Variants in CNTN6 observed in about 807,000 individuals in gnomAD.
The protein encoded by CNTN6 is contactin-6.
In CNTN6, 137 loss-of-function variants were observed where a neutral mutation model predicts 122.8. The ratio of observed to expected loss-of-function variants is 1.12; its 90% CI spans 0.97 to 1.29. The LOEUF (loss-of-function observed/expected upper bound fraction) is 1.29. Among genes scored for constraint, CNTN6 ranks in the 50% most tolerant of loss-of-function variants. CNTN6 has a pLI of 0.00. For synonymous variants in CNTN6, 570 were observed against 426.0 expected (o/e 1.34, Z -4.16); for missense variants, 1,634 against 1,223.4 (o/e 1.34, Z -5.01).
At chr3:1,115,256 A>T (rs1476913208) in intron 1 of CNTN6, among the ~76,000 whole-genome samples, 2 of 152,212 alleles carry the variant, frequency 1.3e-5, no homozygotes, top group Admixed American at 1.3e-4. Context: ...CCACAAGTCA[A>T]CAAGCCACAA....
rs1705766444 is a variant in CNTN6 at position 1,352,325 on chromosome 3, A to C, written c.1366A>C (p.Ile456Leu). 6.6e-7 allele frequency: 1 copy of C among 1,516,882 alleles called. No individual in the cohort carries two copies. The highest frequency in any genetic ancestry group is 1.4e-5 in the African/African-American group (1 of 71,242). The allele number at this position is 1,516,882 out of a possible 1,614,324, so 94.0% of individuals were successfully genotyped here. Residue 456 changes from isoleucine to leucine, a missense_variant and splice_region_variant, in exon 12 of 23, where the codon ATA becomes CTA. Physicochemically the swap from Ile to Leu is conservative, Grantham distance 5 (BLOSUM62 2). Transcript: ENST00000446702. Reference sequence around the variant, plus strand: ...ATTAATGATGTATTTTCTTTTTAGAATATTTCTCTTGGAGGATGGCAGCCT... The same window carrying C: ...ATTAATGATGTATTTTCTTTTTAGACTATTTCTCTTGGAGGATGGCAGCCT... ...GTETLRQSKR[I>L]FLLEDGSLKI...
At position 1,388,263 on chromosome 3, in the gene CNTN6, C is replaced by G. The variant is rs560690090; in HGVS notation, c.2704+2466C>G. Reference sequence around the variant, plus strand: ...AAGTGGGTCCCTGACCCCTGACCCCCGAGCAGCCTAACTGGGAGGCACCCC... The same window carrying G: ...AAGTGGGTCCCTGACCCCTGACCCCGGAGCAGCCTAACTGGGAGGCACCCC... On this transcript the variant is annotated intron_variant, in intron 20 of 22. Coordinates refer to ENST00000446702, the MANE Select transcript of CNTN6 (RefSeq NM_001289080.2). 1.8e-3 allele frequency among the ~76,000 whole-genome samples: 265 copies of G among 149,042 alleles called. 5 individuals are homozygous for G. In the East Asian group the frequency reaches 0.038, roughly 21 times the overall value.
At chr3:1,322,232 A>G (rs554585547) in intron 8 of CNTN6, among the ~76,000 whole-genome samples, 1 of 151,920 alleles carries the variant, frequency 6.6e-6, no homozygotes, top group African/African-American at 2.4e-5. Flanking sequence ...ATAATACTGC[A>G]TGGTGGTTTA....
intron 4 of CNTN6, among the ~76,000 whole-genome samples, chr3:1,273,293 C>T (rs938012623): frequency 2.0e-5 from 3 of 152,166 alleles, no homozygotes; most frequent in African/African-American, 4.8e-5. Flanking sequence ...GAGACCATCT[C>T]AGAGAACGAT....
rs553298375 is a variant in CNTN6, at chr3:1,233,129, G to C, written c.358+5136G>C. Among the ~76,000 whole-genome samples, 9 of 152,272 alleles carry C rather than the reference G, an allele frequency of 5.9e-5. No individual in the cohort carries two copies. The South Asian group carries it at 1.7e-3, about 28-fold the overall frequency. Reference sequence around the variant, plus strand: ...CAATAGGATAATTTAGAGATATTATGAGATGCCAAAGAAACATGCAAAAAT... The same window carrying C: ...CAATAGGATAATTTAGAGATATTATCAGATGCCAAAGAAACATGCAAAAAT... On this transcript the variant is annotated intron_variant, in intron 4 of 22. Coordinates refer to ENST00000446702, the MANE Select transcript of CNTN6 (RefSeq NM_001289080.2).
Position 1,096,966 on chromosome 3 carries a change from ATC to A in CNTN6, c.-83+3850_-83+3851del, listed in dbSNP as rs558442441. On this transcript the variant is annotated intron_variant, in intron 1 of 22. Transcript: ENST00000446702. The stretch of plus-strand genomic sequence containing the variant: ...GTGGGACAATAGAGGACATTTAAAA[ATC>A]TCTTTATTTAAGGAGTTTTAAATAG... Among the ~76,000 whole-genome samples the A allele has an allele frequency of 4.8e-4, 73 of 152,326 alleles. 1 individual carries two copies. Among genetic ancestry groups the A allele is most frequent in the Non-Finnish European group, 5.9e-5 (4 of 68,028 alleles).
intron 19 of CNTN6, 113 bp downstream of exon 19, chr3:1,383,521 C>T (rs1049691236): frequency 4.0e-6 from 3 of 757,686 alleles, no homozygotes; most frequent in Non-Finnish European, 6.6e-6. Flanking sequence ...TAATGTGTGT[C>T]TAAAGCTAAA....
intron 2 of CNTN6, among the ~76,000 whole-genome samples, chr3:1,152,680 TAGAC>T (rs1349983097): frequency 5.3e-5 from 8 of 152,168 alleles, no homozygotes; most frequent in African/African-American, 1.7e-4. Context: ...TGAAAAATAT[TAGAC>T]AGATTTCAAA....
intron 4 of CNTN6, among the ~76,000 whole-genome samples, chr3:1,243,890 A>T (rs985994172): frequency 3.9e-5 from 6 of 152,074 alleles, no homozygotes; most frequent in African/African-American, 1.2e-4. Flanking sequence ...GGGAAGACTC[A>T]GCGATGCTTG....
chr3:1,325,974 A>G (rs1701488177), intron 9 of CNTN6, 23 bp downstream of exon 9: 2 of 1,596,906 alleles, frequency 1.3e-6, no homozygotes, highest in Non-Finnish European at 1.7e-6. Flanking sequence ...GTTGATATTA[A>G]AAGTTTACCT....
At chr3:1,389,618 G>C (rs528149422) in intron 20 of CNTN6, among the ~76,000 whole-genome samples, 4,729 of 135,680 alleles carry the variant, frequency 0.035, 101 homozygotes, top group South Asian at 0.063. Flanking sequence ...ACACAGACTG[G>C]CAAATTGGAT....
chr3:1,125,209 T>G (rs1222650808), intron 1 of CNTN6, among the ~76,000 whole-genome samples: 1 of 151,976 alleles, frequency 6.6e-6, no homozygotes, highest in Non-Finnish European at 1.5e-5. Context: ...TTATCTGTCT[T>G]GGCCCTAATT....
At chr3:1,142,097 C>G (rs2092621218) in intron 1 of CNTN6, among the ~76,000 whole-genome samples, 1 of 152,010 alleles carries the variant, frequency 6.6e-6, no homozygotes, top group South Asian at 2.1e-4. Context: ...TGCCTGAGGT[C>G]CAGCCATTAT....
intron 7 of CNTN6, among the ~76,000 whole-genome samples, chr3:1,305,542 G>A (rs540053030): frequency 6.6e-6 from 1 of 152,126 alleles, no homozygotes; most frequent in African/African-American, 2.4e-5. Context: ...AATGTAGTAT[G>A]ATTGACTGAT....
intron 2 of CNTN6, among the ~76,000 whole-genome samples, chr3:1,150,182 C>A (rs12495446): frequency 0.42 from 64,186 of 151,664 alleles, 13,843 homozygotes; most frequent in South Asian, 0.6. Flanking sequence ...TTAGACGTTT[C>A]ATGGTGTGTC....
At position 1,372,310 on chromosome 3, in the gene CNTN6, A is replaced by T; in HGVS notation, c.1504A>T (p.Ile502Phe). The T allele has an allele frequency of 6.2e-7, 1 of 1,607,520 alleles. No individual in the cohort carries two copies. Among genetic ancestry groups the T allele is most frequent in the Non-Finnish European group, 8.5e-7 (1 of 1,177,664 alleles). ...TTTTTTCTCAACAGAGAGAACTGTC[A>T]TTACCGTCCCACCTTCCAAAATGGA... ...GSLIVKERTV[I>F]TVPPSKMDVT... The change falls in exon 13 of 23, where the codon ATT (isoleucine) becomes TTT (phenylalanine). Residue 502 changes from isoleucine (I) to phenylalanine (F), a missense_variant. By Grantham distance (21) the Ile-to-Phe change is conservative. Transcript: ENST00000446702.
intron 20 of CNTN6, among the ~76,000 whole-genome samples, chr3:1,388,747 C>A (rs1036931259): frequency 2.2e-5 from 3 of 137,222 alleles, no homozygotes; most frequent in African/African-American, 8.1e-5. Flanking sequence ...AACCAAGGCT[C>A]GAGAACTACG....
chr3:1,256,361 A>G (rs1031540169), intron 4 of CNTN6, among the ~76,000 whole-genome samples: 3 of 152,124 alleles, frequency 2.0e-5, no homozygotes, highest in Non-Finnish European at 4.4e-5. Flanking sequence ...TTGGATGTTA[A>G]ACCAATAATA....
At chr3:1,312,106 A>G (rs1042155311) in intron 7 of CNTN6, among the ~76,000 whole-genome samples, 5 of 152,100 alleles carry the variant, frequency 3.3e-5, no homozygotes, top group African/African-American at 9.7e-5. Flanking sequence ...CAGTTTCTCA[A>G]GAAAGATTAT....
Sources: gnomAD v4.1 joint callset for allele counts (sites outside exome capture counted in the v4.1 genomes callset) on GRCh38, gnomAD v4.1.1 for gene constraint, MANE v1.5 for transcripts, NCBI Gene and HGNC (gene_info 2026-07-23, HGNC 2026-07-21) for gene names.